The following SAMD4A variants were observed in gnomAD, a reference collection of about 807,000 sequenced individuals.
SAMD4A encodes the protein protein Smaug homolog 1.
SAMD4A carries 33 observed loss-of-function variants against 81.3 expected under a neutral mutation model. The ratio of observed to expected loss-of-function variants is 0.41; its 90% CI spans 0.31 to 0.54. The LOEUF (loss-of-function observed/expected upper bound fraction) is 0.54. Ranked by LOEUF, SAMD4A falls within the 20% of genes least tolerant of loss-of-function variation. The pLI is 0.37. For missense variants in SAMD4A, 854 were observed against 951.1 expected (o/e 0.90, Z 1.34); for synonymous variants, 389 against 382.1 (o/e 1.02, Z -0.21).
intron 3 of SAMD4A, among the ~76,000 whole-genome samples, chr14:54,725,967 A>G (rs1198323084): frequency 6.6e-6 from 1 of 152,176 alleles, no homozygotes; most frequent in Non-Finnish European, 1.5e-5. Flanking sequence ...TGTACATACA[A>G]ATCTCCTAGG....
chr14:54,694,782 C>G, intron 2 of SAMD4A: 2 of 985,414 alleles, frequency 2.0e-6, no homozygotes, highest in Non-Finnish European at 2.4e-6. Context: ...TGGCTGAGAT[C>G]TCAGGACTAC....
intron 2 of SAMD4A, among the ~76,000 whole-genome samples, chr14:54,619,548 T>A (rs986424006): frequency 3.9e-5 from 6 of 152,358 alleles, no homozygotes; most frequent in African/African-American, 1.2e-4. Context: ...TCATTTTTTT[T>A]AATTTAATTT....
At chr14:54,654,961 G>A (rs1360590281) in intron 2 of SAMD4A, among the ~76,000 whole-genome samples, 1 of 152,182 alleles carries the variant, frequency 6.6e-6, no homozygotes, top group Non-Finnish European at 1.5e-5. Flanking sequence ...AGTCCATATA[G>A]CAGAGACATA....
At chr14:54,678,844 G>A (rs991096887) in intron 2 of SAMD4A, among the ~76,000 whole-genome samples, 1 of 152,148 alleles carries the variant, frequency 6.6e-6, no homozygotes, top group East Asian at 1.9e-4. Flanking sequence ...CACCGCGCCC[G>A]GCCTGATCTT....
chr14:54,724,000 G>GGAAGGAAGGAAGGAA (rs2037332116), intron 3 of SAMD4A, among the ~76,000 whole-genome samples: 1 of 110,248 alleles, frequency 9.1e-6, no homozygotes, highest in African/African-American at 3.2e-5. Context: ...TTGGATGGAT[G>GGAAGGAAGGAAGGAA]GATGGATGGA....
At chr14:54,635,502 C>T (rs1375701129) in intron 2 of SAMD4A, among the ~76,000 whole-genome samples, 1 of 151,904 alleles carries the variant, frequency 6.6e-6, no homozygotes, top group Non-Finnish European at 1.5e-5. Context: ...GTAATCCCAA[C>T]ACTTTGGGAG....
chr14:54,726,887 G>T (rs2037428169), intron 3 of SAMD4A, among the ~76,000 whole-genome samples: 1 of 152,114 alleles, frequency 6.6e-6, no homozygotes, highest in South Asian at 2.1e-4. Context: ...GTATTTACGT[G>T]TACAGATAGT....
At chr14:54,721,285 G>A (rs1223675458) in intron 3 of SAMD4A, among the ~76,000 whole-genome samples, 1 of 152,188 alleles carries the variant, frequency 6.6e-6, no homozygotes, top group African/African-American at 2.4e-5. Flanking sequence ...GAGTGAATGT[G>A]CACATCAATG....
rs199787488 is a variant in SAMD4A at position 54,772,829 on chromosome 14, A to AC, written c.1716-2105_1716-2104insC. Among the ~76,000 whole-genome samples the AC allele has an allele frequency of 3.6e-3, 549 of 151,440 alleles. 6 individuals are homozygous for AC. The highest frequency in any genetic ancestry group is 0.012 in the African/African-American group (515 of 41,358). On this transcript the variant is annotated intron_variant, in intron 9 of 12. Coordinates refer to ENST00000554335, the MANE Select transcript of SAMD4A (RefSeq NM_015589.6). ...TTCGTCATTAAAAACAAACAAACAA[A>AC]AAAAAAAAACACTCGGCCCTTGTCT...
chr14:54,751,064 C>T (rs1036531422), intron 5 of SAMD4A, among the ~76,000 whole-genome samples: 1 of 152,126 alleles, frequency 6.6e-6, no homozygotes, highest in African/African-American at 2.4e-5. Flanking sequence ...GAGTTTGAGA[C>T]CAGCCTGGGC....
At chr14:54,663,647 C>G (rs1389821031) in intron 2 of SAMD4A, among the ~76,000 whole-genome samples, 1 of 152,192 alleles carries the variant, frequency 6.6e-6, no homozygotes, top group African/African-American at 2.4e-5. Context: ...CTTCCAATCC[C>G]TAGAAAGGCA....
At chr14:54,643,500 C>T (rs1214952671) in intron 2 of SAMD4A, among the ~76,000 whole-genome samples, 2 of 152,178 alleles carry the variant, frequency 1.3e-5, no homozygotes, top group Non-Finnish European at 2.9e-5. Context: ...CTCCTAGGCC[C>T]GGAGATCCTC....
chr14:54,694,579 G>A, intron 2 of SAMD4A: 12 of 978,950 alleles, frequency 1.2e-5, no homozygotes, highest in Non-Finnish European at 1.5e-5. Context: ...GCTCAGGGGA[G>A]AAACCTGGGC....
At chr14:54,634,715 ATCTATCTGTCTGTCTG>A (rs1459185516) in intron 2 of SAMD4A, among the ~76,000 whole-genome samples, 19 of 123,500 alleles carry the variant, frequency 1.5e-4, no homozygotes, top group African/African-American at 5.3e-4. Context: ...CTATCTATCT[ATCTATCTGTCTGTCTG>A]TCTGTCTGTC....
intron 3 of SAMD4A, among the ~76,000 whole-genome samples, chr14:54,720,613 G>C (rs1213303065): frequency 6.6e-6 from 1 of 152,160 alleles, no homozygotes; most frequent in Non-Finnish European, 1.5e-5. Context: ...GGGCCTGTTA[G>C]GAGTAAGGTG....
chr14:54,582,969 G>A (rs943268104), intron 2 of SAMD4A, among the ~76,000 whole-genome samples: 5 of 152,032 alleles, frequency 3.3e-5, no homozygotes, highest in African/African-American at 1.2e-4. Flanking sequence ...TTTTGAGACA[G>A]AGTCTCTCTT....
At chr14:54,713,705 T>G (rs1594848046) in intron 3 of SAMD4A, among the ~76,000 whole-genome samples, 1 of 152,340 alleles carries the variant, frequency 6.6e-6, no homozygotes, top group East Asian at 1.9e-4. Flanking sequence ...AGATTTATAA[T>G]GGATTACTTT....
rs10677522 is a variant in SAMD4A at position 54,639,801 on chromosome 14, A to AACACACACAC, written c.197-62244_197-62235dup. ...TGAATGTCAAGTCAGCATTGCTTGA[A>AACACACACAC]ACACACACACACACACACACACACA... On this transcript the variant is annotated intron_variant, in intron 2 of 12. Coordinates refer to ENST00000554335, the MANE Select transcript of SAMD4A (RefSeq NM_015589.6). Among the ~76,000 whole-genome samples, 1,435 of 148,936 alleles carry AACACACACAC rather than the reference A, an allele frequency of 9.6e-3. 21 individuals carry two copies. Among genetic ancestry groups the AACACACACAC allele is most frequent in the African/African-American group, 0.03 (1,228 of 40,414 alleles).
At chr14:54,593,990 A>G (rs573477906) in intron 2 of SAMD4A, among the ~76,000 whole-genome samples, 4 of 152,346 alleles carry the variant, frequency 2.6e-5, no homozygotes, top group South Asian at 4.1e-4. Flanking sequence ...TTTTCAGACC[A>G]GATCATATAC....
Sources: gnomAD v4.1 joint callset for allele counts (sites outside exome capture counted in the v4.1 genomes callset) on GRCh38, gnomAD v4.1.1 for gene constraint, MANE v1.5 for transcripts, NCBI Gene and HGNC (gene_info 2026-07-23, HGNC 2026-07-21) for gene names.